NUDT7: variants seen among roughly 807,000 people sequenced by gnomAD.
NUDT7 encodes nudix hydrolase 7.
In NUDT7, 19 loss-of-function variants were observed where a neutral mutation model predicts 13.1. That is an observed-to-expected ratio of 1.45 (90% CI 1.01 to 2.13). The LOEUF (loss-of-function observed/expected upper bound fraction) is 2.13, where lower values mean the gene tolerates loss of function less well. Ranked by LOEUF, NUDT7 falls within the 30% of genes most tolerant of loss-of-function variation. NUDT7 has a pLI of 0.00. For synonymous variants in NUDT7, 132 were observed against 109.7 expected (o/e 1.20, Z -1.27); for missense variants, 360 against 291.7 (o/e 1.23, Z -1.71).
At position 77,741,819 on chromosome 16, in the gene NUDT7, G is replaced by T; in HGVS notation, c.586G>T (p.Ala196Ser). The change falls in exon 4 of 4, where the codon GCA becomes TCA. Residue 196 changes from alanine to serine, a missense_variant. Coordinates refer to ENST00000268533, the MANE Select transcript of NUDT7 (RefSeq NM_001105663.3). ...YQIKGMTANL[A>S]VLVAFIILEK... Reference sequence around the variant, plus strand: ...GATCAAGGGAATGACGGCAAACCTTGCAGTGTTGGTGGCCTTTATCATTTT... The same window carrying T: ...GATCAAGGGAATGACGGCAAACCTTTCAGTGTTGGTGGCCTTTATCATTTT... 1 of 1,614,126 alleles carries T rather than the reference G, an allele frequency of 6.2e-7. No homozygotes were observed. The highest frequency in any genetic ancestry group is 8.5e-7 in the Non-Finnish European group (1 of 1,180,030).
At chr16:77,729,782 C>G (rs2014254943) in intron 2 of NUDT7, among the ~76,000 whole-genome samples, 1 of 152,014 alleles carries the variant, frequency 6.6e-6, no homozygotes, top group Admixed American at 6.6e-5. Flanking sequence ...CCGAGATTAT[C>G]CCACTGCACT....
At chr16:77,735,573 A>C in intron 2 of NUDT7, 1 of 566,246 alleles carries the variant, frequency 1.8e-6, no homozygotes, top group Non-Finnish European at 3.2e-6. Context: ...ATAGCAGTGC[A>C]AGAACAGATT....
intron 2 of NUDT7, among the ~76,000 whole-genome samples, chr16:77,734,242 T>G (rs1199629505): frequency 2.0e-5 from 3 of 152,222 alleles, no homozygotes; most frequent in Non-Finnish European, 2.9e-5. Context: ...CTGGTTTATA[T>G]TCCAGCTCAC....
chr16:77,724,591 A>T (rs978626946), intron 1 of NUDT7, among the ~76,000 whole-genome samples: 4 of 152,162 alleles, frequency 2.6e-5, no homozygotes, highest in Non-Finnish European at 5.9e-5. Context: ...TCTTATCAGG[A>T]CAACAGTCAT....
intron 2 of NUDT7, among the ~76,000 whole-genome samples, chr16:77,727,520 G>T (rs7189405): frequency 0.24 from 36,977 of 152,088 alleles, 4,489 homozygotes; most frequent in Middle Eastern, 0.35. Flanking sequence ...TCCCACCTCT[G>T]CCAATAAGCA....
intron 3 of NUDT7, chr16:77,737,474 G>GT (rs564292922): frequency 0.01 from 1,457 of 145,124 alleles, 11 homozygotes; most frequent in African/African-American, 0.024. Flanking sequence ...ACTTTTCATG[G>GT]TTTTTTTTTT....
chr16:77,724,567 G>A (rs2014068246), intron 1 of NUDT7, among the ~76,000 whole-genome samples: 3 of 152,246 alleles, frequency 2.0e-5, no homozygotes, highest in Non-Finnish European at 2.9e-5. Flanking sequence ...CGCTGCACTG[G>A]GCTCGTTTCT....
intron 2 of NUDT7, among the ~76,000 whole-genome samples, chr16:77,728,724 G>A (rs898337810): frequency 3.0e-4 from 45 of 152,010 alleles, no homozygotes; most frequent in African/African-American, 1.1e-3. Context: ...CTCCTTGTCC[G>A]GGTCCACCTT....
In NUDT7 at chr16:77,732,977, T is replaced by TG. The variant is rs147933243; in HGVS notation, c.190-2850dup. On this transcript the variant is annotated intron_variant, in intron 2 of 3. Transcript: ENST00000268533. ...GGTAAGACATATTTGCAGTCGCTGG[T>TG]GAGTGTTCAAGACAGTAGAAATATG... is the stretch of plus-strand genomic sequence containing the variant. Among the ~76,000 whole-genome samples the TG allele has an allele frequency of 4.7e-3, 712 of 152,300 alleles. 9 individuals are homozygous for TG. The highest frequency in any genetic ancestry group is 0.016 in the African/African-American group (670 of 41,556).
Position 77,722,542 on chromosome 16 carries a change from G to T in NUDT7, c.-41G>T, listed in dbSNP as rs746477344. On this transcript the variant is annotated 5_prime_UTR_variant, in exon 1 of 4. Transcript: ENST00000268533. Reference sequence around the variant, plus strand: ...CTGCGCAAGCGCGACCGACCGAGCAGCTCCGAGGAGTCCGCCCGGAAACAA... The same window carrying T: ...CTGCGCAAGCGCGACCGACCGAGCATCTCCGAGGAGTCCGCCCGGAAACAA... 1.3e-6 allele frequency: 2 copies of T among 1,558,264 alleles called. No homozygotes were observed. Among genetic ancestry groups the T allele is most frequent in the Non-Finnish European group, 1.7e-6 (2 of 1,149,088 alleles).
intron 1 of NUDT7, among the ~76,000 whole-genome samples, chr16:77,724,662 T>C (rs1476074120): frequency 1.3e-5 from 2 of 152,198 alleles, no homozygotes; most frequent in Non-Finnish European, 2.9e-5. Context: ...AAAGTCACAC[T>C]CTGAAGTTTG....
intron 2 of NUDT7, among the ~76,000 whole-genome samples, chr16:77,731,390 G>A (rs1386164012): frequency 6.6e-6 from 1 of 152,138 alleles, no homozygotes; most frequent in Non-Finnish European, 1.5e-5. Flanking sequence ...TGATAATGGA[G>A]CTGAAAATTC....
intron 2 of NUDT7, among the ~76,000 whole-genome samples, chr16:77,730,400 C>G (rs908622769): frequency 2.7e-4 from 41 of 152,166 alleles, no homozygotes; most frequent in African/African-American, 9.2e-4. Context: ...CTTATTTTAC[C>G]TAACATAATT....
At chr16:77,723,451 G>C (rs541031565) in intron 1 of NUDT7, among the ~76,000 whole-genome samples, 2 of 152,132 alleles carry the variant, frequency 1.3e-5, no homozygotes, top group African/African-American at 4.8e-5. Flanking sequence ...TAATGATGGG[G>C]AGATTTATGA....
Position 77,732,645 on chromosome 16 carries a change from C to G in NUDT7, c.190-3183C>G, listed in dbSNP as rs183915840. Among the ~76,000 whole-genome samples the G allele has an allele frequency of 3.8e-3, 579 of 152,302 alleles. 2 individuals carry two copies. Among genetic ancestry groups the G allele is most frequent in the Non-Finnish European group, 6.1e-3 (415 of 68,028 alleles). On this transcript the variant is annotated intron_variant, in intron 2 of 3. Coordinates refer to ENST00000268533, the MANE Select transcript of NUDT7 (RefSeq NM_001105663.3). ...CAGTAAAATGGTATACAGGTTGTAA[C>G]CCAGAAGCAGTAGCTACACCATATA...
At chr16:77,724,607 T>G (rs937125442) in intron 1 of NUDT7, among the ~76,000 whole-genome samples, 1 of 152,180 alleles carries the variant, frequency 6.6e-6, no homozygotes, top group Non-Finnish European at 1.5e-5. Context: ...GTCATTGGAT[T>G]TAGAGCTCAC....
Position 77,725,444 on chromosome 16 carries a change from G to C in NUDT7, c.49G>C (p.Asp17His), listed in dbSNP as rs894460917. 12 of 1,610,244 alleles carry C rather than the reference G, an allele frequency of 7.5e-6. No individual in the cohort carries two copies. The highest frequency in any genetic ancestry group is 1.3e-5 in the African/African-American group (1 of 74,804). Residue 17 changes from aspartate (D) to histidine (H), a missense_variant, in exon 2 of 4, where the codon GAT (aspartate) becomes CAT (histidine). Coordinates refer to ENST00000268533, the MANE Select transcript of NUDT7 (RefSeq NM_001105663.3). ...TTTTTATTTTAGAAACAGTTTGCTA[G>C]ATGATGCTAAGGCCCGCTTAAGAAA... ...PEEPVRNSLL[D>H]DAKARLRKYD...
At chr16:77,726,907 A>G (rs1225440704) in intron 2 of NUDT7, among the ~76,000 whole-genome samples, 1 of 152,130 alleles carries the variant, frequency 6.6e-6, no homozygotes, top group Non-Finnish European at 1.5e-5. Context: ...TGACACAGGC[A>G]TCTGCTCAGT....
rs955601525 is a variant in NUDT7, at chr16:77,728,917, C to G, written c.189+3333C>G. Among the ~76,000 whole-genome samples, 4 of 152,270 alleles carry G rather than the reference C, an allele frequency of 2.6e-5. No homozygotes were observed. The East Asian group carries it at 7.7e-4, about 29-fold the overall frequency. On this transcript the variant is annotated intron_variant, in intron 2 of 3. Transcript: ENST00000268533. ...CTCTTCTCCCCCACACCCTTGACCTCGCATCCCTCCTCTGTCCCCTCTTCT... is the reference window on the plus strand; with the variant it reads ...CTCTTCTCCCCCACACCCTTGACCTGGCATCCCTCCTCTGTCCCCTCTTCT...
Sources: allele counts gnomAD v4.1 joint callset (sites outside exome capture counted in the v4.1 genomes callset), GRCh38; gene constraint gnomAD v4.1.1; transcripts MANE v1.5; gene names NCBI Gene and HGNC (gene_info 2026-07-23, HGNC 2026-07-21).